The following TPCN2 variants were observed in gnomAD, a reference collection of about 807,000 sequenced individuals.
TPCN2 encodes two pore channel protein 2.
A neutral mutation model predicts 111.4 loss-of-function variants in TPCN2; 92 were observed. The ratio of observed to expected loss-of-function variants is 0.83; its 90% confidence interval spans 0.70 to 0.98. TPCN2 has a LOEUF of 0.98. Among genes scored for constraint, TPCN2 ranks in the 50% least tolerant of loss-of-function variants. The probability of loss-of-function intolerance (pLI) is 0.00; values close to 1 mark genes in which losing one functional copy is unlikely to be tolerated. For synonymous variants in TPCN2, 405 were observed against 414.5 expected, an observed-to-expected ratio of 0.98 and a Z score of 0.28; for missense variants, 995 against 980.1, an observed-to-expected ratio of 1.02 and a Z score of -0.20.
At chr11:69,084,765 A>C (rs768444239) in intron 19 of TPCN2, 4 of 985,420 alleles carry the variant, frequency 4.1e-6, no homozygotes, top group Non-Finnish European at 4.8e-6. Flanking sequence ...CTGGAAATAG[A>C]CGCTGGGAAG....
Position 69,085,763 on chromosome 11 carries a change from C to T in TPCN2, c.1920+11C>T, listed in dbSNP as rs370797924. 1.4e-5 allele frequency: 23 copies of T among 1,613,468 alleles called. No individual in the cohort carries two copies. Among genetic ancestry groups the T allele is most frequent in the South Asian group, 3.3e-5 (3 of 91,078 alleles). ...TTCGATGACTTTGCGGTGAGCCCTGCGCCCTGTCCCAGCACCCTGCTCCCC... is the reference window on the plus strand; with the variant it reads ...TTCGATGACTTTGCGGTGAGCCCTGTGCCCTGTCCCAGCACCCTGCTCCCC... On this transcript the variant is annotated intron_variant, in intron 21 of 24. Transcript: ENST00000294309.
At chr11:69,068,260 C>T (rs1297583909) in intron 8 of TPCN2, among the ~76,000 whole-genome samples, 2 of 151,874 alleles carry the variant, frequency 1.3e-5, no homozygotes, top group Non-Finnish European at 2.9e-5. Flanking sequence ...AGGAAGTGAC[C>T]GCAGTGGGAG....
intron 17 of TPCN2, among the ~76,000 whole-genome samples, chr11:69,080,323 C>T (rs1855951641): frequency 6.6e-6 from 1 of 152,250 alleles, no homozygotes; most frequent in Non-Finnish European, 1.5e-5. Flanking sequence ...CATCGCCTCC[C>T]ACTCTGGACA....
At chr11:69,071,869 G>A (rs1446230934) in intron 10 of TPCN2, 54 bp from the exon 11 acceptor site, 26 of 1,537,670 alleles carry the variant, frequency 1.7e-5, no homozygotes, top group Non-Finnish European at 1.3e-5. Flanking sequence ...AAGGGTCGGG[G>A]GTTCTGAGCT....
In TPCN2 at chr11:69,072,720, C is replaced by T. The variant is rs776930758; in HGVS notation, c.1143+12C>T. The T allele has an allele frequency of 6.2e-6, 10 of 1,613,440 alleles. No homozygotes were observed. The highest frequency in any genetic ancestry group is 5.3e-5 in the African/African-American group (4 of 74,926). On this transcript the variant is annotated intron_variant, in intron 12 of 24. Coordinates refer to ENST00000294309, the MANE Select transcript of TPCN2 (RefSeq NM_139075.4). ...AGGCCATGATGGAGGTACCCGCCCC[C>T]TGCTCCCAGCCTCCTCTGGGCTCCT...
chr11:69,083,872 C>T (rs1856152416), intron 18 of TPCN2, 73 bp from the exon 19 acceptor site: 15 of 1,422,516 alleles, frequency 1.1e-5, no homozygotes, highest in Non-Finnish European at 1.3e-5. Context: ...TCAGGGTCAG[C>T]GTGGTGGGCC....
At chr11:69,059,977 C>A (rs1048479284) in intron 5 of TPCN2, among the ~76,000 whole-genome samples, 1 of 152,216 alleles carries the variant, frequency 6.6e-6, no homozygotes, top group African/African-American at 2.4e-5. Flanking sequence ...AGGGAAGAGG[C>A]CTAGCTGCAT....
intron 22 of TPCN2, among the ~76,000 whole-genome samples, 166 bp downstream of exon 22, chr11:69,086,096 T>C (rs1335666889): frequency 1.3e-5 from 2 of 152,242 alleles, no homozygotes; most frequent in Non-Finnish European, 2.9e-5. Flanking sequence ...GCCTTGTCCC[T>C]GCCCCCTGCA....
chr11:69,079,922 C>T, intron 17 of TPCN2, 39 bp downstream of exon 17: 3 of 1,605,464 alleles, frequency 1.9e-6, no homozygotes, highest in East Asian at 2.2e-5. Context: ...CTACAGCAAA[C>T]AGCACCACCA....
At chr11:69,077,463 C>T (rs1855843516) in intron 13 of TPCN2, among the ~76,000 whole-genome samples, 1 of 152,204 alleles carries the variant, frequency 6.6e-6, no homozygotes, top group Admixed American at 6.5e-5. Flanking sequence ...GAAAGGGACC[C>T]TGCCCGTTGT....
chr11:69,073,275 C>T (rs1410675980), intron 13 of TPCN2, among the ~76,000 whole-genome samples: 2 of 152,256 alleles, frequency 1.3e-5, no homozygotes, highest in African/African-American at 4.8e-5. Context: ...GACAGACTCT[C>T]CTTTTCCTGT....
rs1262336381 is a variant in TPCN2, at chr11:69,088,846, C to G, written c.*893C>G. 2 of 152,104 alleles carry G rather than the reference C, an allele frequency of 1.3e-5. No homozygotes were observed. Among genetic ancestry groups the G allele is most frequent in the African/African-American group, 4.8e-5 (2 of 41,390 alleles). 9.4% of individuals were successfully genotyped at this position (152,104 alleles called of 1,614,324 possible). A position where few individuals can be genotyped will look rare whatever the true frequency, so the allele number is the denominator to read the frequency against. On this transcript the variant is annotated 3_prime_UTR_variant, in exon 25 of 25. Coordinates refer to ENST00000294309, the MANE Select transcript of TPCN2 (RefSeq NM_139075.4). ...TTCTCACTTCAGGGGCCAACCCACG[C>G]CCCCTTTCTGCTGAGGTTTGGGTGC...
At chr11:69,073,943 C>T (rs1247399816) in intron 13 of TPCN2, among the ~76,000 whole-genome samples, 1 of 151,892 alleles carries the variant, frequency 6.6e-6, no homozygotes, top group Non-Finnish European at 1.5e-5. Flanking sequence ...GTCATCTCCT[C>T]CTCTTATAAG....
At chr11:69,057,890 G>T (rs1374154130) in intron 5 of TPCN2, among the ~76,000 whole-genome samples, 196 bp downstream of exon 5, 1 of 152,250 alleles carries the variant, frequency 6.6e-6, no homozygotes, top group Non-Finnish European at 1.5e-5. Context: ...TGAAGACATG[G>T]AGGCCTGGAC....
chr11:69,087,087 A>G lies in TPCN2; in HGVS notation c.2086-25A>G, dbSNP rs200170598. ...CTGCTTTCATTCGGGGCCCACACTC[A>G]CTGGCCACTCCTCCTGCTTGCCAGA... On this transcript the variant is annotated intron_variant, in intron 23 of 24. Transcript: ENST00000294309. The G allele has an allele frequency of 1.9e-4, 309 of 1,603,822 alleles. 3 individuals carry two copies. In the Admixed American group the frequency reaches 4.1e-3, roughly 21 times the overall value.
rs374242508 is a variant in TPCN2 at position 69,071,315 on chromosome 11, G to C, written c.896-41G>C. ...CCACCCTTGCGTTGGTTTTGCTGCT[G>C]TACTGGTGGCGCCCCTGACCGTGGC... On this transcript the variant is annotated intron_variant, in intron 9 of 24. Transcript: ENST00000294309. 3 of 1,574,602 alleles carry C rather than the reference G, an allele frequency of 1.9e-6. No individual in the cohort carries two copies. In the African/African-American group the frequency reaches 4.0e-5, roughly 21 times the overall value.
At chr11:69,085,343 G>GGGGGGGGGGGGGGGGGC in intron 20 of TPCN2, 57 bp downstream of exon 20, 1 of 581,898 alleles carries the variant, frequency 1.7e-6, no homozygotes. Context: ...GGGTGGGCGG[G>GGGGGGGGGGGGGGGGGC]AAGCCTTGGC....
intron 1 of TPCN2, among the ~76,000 whole-genome samples, chr11:69,051,892 A>G (rs1314665259): frequency 6.6e-6 from 1 of 151,996 alleles, no homozygotes; most frequent in Non-Finnish European, 1.5e-5. Flanking sequence ...GGCAGGAGAG[A>G]GGCGGGCCGG....
Position 69,072,964 on chromosome 11 carries a change from AG to A in TPCN2, c.1194del (p.Lys398AsnfsTer146). Reference protein sequence around the residue: ...SVLLSAEEFQKLFNELDRSVV... With the variant: ...SVLLSAEEFQXLFNELDRSVV... ...CTGCTCTCAGCTGAGGAGTTTCAGAAGCTCTTCAACGAGCTTGACAGAAGTG... is the reference window on the plus strand; with the variant it reads ...CTGCTCTCAGCTGAGGAGTTTCAGAACTCTTCAACGAGCTTGACAGAAGTG... On this transcript the variant is annotated frameshift_variant, in exon 13 of 25. Transcript: ENST00000294309. LOFTEE classifies it high-confidence loss of function. The A allele has an allele frequency of 6.2e-7, 1 of 1,613,996 alleles. No individual in the cohort carries two copies. The highest frequency in any genetic ancestry group is 1.7e-5 in the Admixed American group (1 of 60,030).
Sources: gnomAD v4.1 joint callset for allele counts (sites outside exome capture counted in the v4.1 genomes callset) on GRCh38, gnomAD v4.1.1 for gene constraint, MANE v1.5 for transcripts, NCBI Gene and HGNC (gene_info 2026-07-23, HGNC 2026-07-21) for gene names.